Variants in KLF12 observed in about 807,000 individuals in gnomAD.
The protein encoded by KLF12 is KLF transcription factor 12, also known as Krueppel-like factor 12.
KLF12 carries 9 observed loss-of-function variants against 37.8 expected under a neutral mutation model. The ratio of observed to expected loss-of-function variants is 0.24; its 90% confidence interval spans 0.14 to 0.42. The LOEUF (loss-of-function observed/expected upper bound fraction) is 0.42, where lower values mean the gene tolerates loss of function less well. KLF12 is among the 10% of genes least tolerant of loss of function. The pLI, the probability that KLF12 is intolerant of heterozygous loss-of-function variation, is 1.00. For synonymous variants in KLF12, 208 were observed against 202.1 expected (o/e 1.03, Z -0.25); for missense variants, 411 against 516.0 (o/e 0.80, Z 1.97).
chr13:73,844,676 G>C lies in KLF12; in HGVS notation c.670+1151C>G, dbSNP rs769374878. 2.6e-5 allele frequency: 4 copies of C among 152,108 alleles called. No homozygotes were observed. The South Asian group carries it at 8.3e-4, about 32-fold the overall frequency. The allele number at this position is 152,108 out of a possible 1,614,324, so 9.4% of individuals were successfully genotyped here. Reference sequence around the variant, plus strand: ...TTCATACCTGCAAAAATTTCTGTAAGTTCACAATCAATCAAATGTATTTAT... The same window carrying C: ...TTCATACCTGCAAAAATTTCTGTAACTTCACAATCAATCAAATGTATTTAT... On this transcript the variant is annotated intron_variant, in intron 4 of 7. Coordinates refer to ENST00000377669, the MANE Select transcript of KLF12 (RefSeq NM_007249.5).
intron 1 of KLF12, among the ~76,000 whole-genome samples, chr13:74,074,926 A>C (rs1874479988): frequency 6.6e-6 from 1 of 152,234 alleles, no homozygotes; most frequent in South Asian, 2.1e-4. Context: ...ACTGAAGCAC[A>C]CAGCACAGCA....
At chr13:74,295,523 A>T in the KLF12 span, among the ~76,000 whole-genome samples, 1 of 152,046 alleles carries the variant, frequency 6.6e-6, no homozygotes, top group African/African-American at 2.4e-5. Context: ...TTCAAAATAT[A>T]CTTGCTGTAA....
intron 1 of KLF12, among the ~76,000 whole-genome samples, chr13:74,068,291 AT>A (rs1278769033): frequency 3.9e-5 from 6 of 152,206 alleles, no homozygotes; most frequent in South Asian, 4.1e-4. Flanking sequence ...TACTATAACA[AT>A]TTTTTAAAAC....
At chr13:73,826,960 T>C (rs1400194578) in intron 4 of KLF12, among the ~76,000 whole-genome samples, 1 of 152,174 alleles carries the variant, frequency 6.6e-6, no homozygotes, top group East Asian at 1.9e-4. Context: ...TTTTGTATTT[T>C]TTGTACAGAT....
At chr13:73,729,466 G>A (rs2325554) in intron 6 of KLF12, among the ~76,000 whole-genome samples, 117,768 of 152,104 alleles carry the variant, frequency 0.77, 45,753 homozygotes, top group Middle Eastern at 0.9. Context: ...GGCAGGGTAG[G>A]TACTGTTACT....
the KLF12 span, among the ~76,000 whole-genome samples, chr13:74,190,137 A>G: frequency 1.3e-5 from 2 of 152,206 alleles, no homozygotes; most frequent in Non-Finnish European, 2.9e-5. Flanking sequence ...AAGTATGTAC[A>G]TTAGTAATTT....
the KLF12 span, among the ~76,000 whole-genome samples, chr13:74,295,218 C>T: frequency 3.3e-5 from 5 of 151,774 alleles, no homozygotes; most frequent in Admixed American, 3.3e-4. Flanking sequence ...AGCTTAATTA[C>T]TCCTCCCTCT....
intron 1 of KLF12, among the ~76,000 whole-genome samples, chr13:73,996,438 T>C (rs1441434345): frequency 6.6e-6 from 1 of 152,236 alleles, no homozygotes; most frequent in African/African-American, 2.4e-5. Flanking sequence ...TCCAACTTCT[T>C]AGCCGAATGT....
the KLF12 span, among the ~76,000 whole-genome samples, chr13:74,241,899 G>A: frequency 3.0e-3 from 460 of 152,274 alleles, 3 homozygotes; most frequent in African/African-American, 0.011. Context: ...AGAAATCACC[G>A]TCTTCTGCGT....
intron 6 of KLF12, among the ~76,000 whole-genome samples, chr13:73,725,870 TA>T (rs1214108707): frequency 6.8e-6 from 1 of 146,410 alleles, no homozygotes; most frequent in African/African-American, 2.7e-5. Context: ...TTTATTTATT[TA>T]TTTATTTATT....
At chr13:74,233,897 G>A in the KLF12 span, among the ~76,000 whole-genome samples, 1 of 152,034 alleles carries the variant, frequency 6.6e-6, no homozygotes, top group Non-Finnish European at 1.5e-5. Flanking sequence ...ATTGGAATTT[G>A]AAATAAAAAA....
chr13:74,021,653 A>ATGACTTGATGTAAATGCTACAATCATT (rs1566507359), intron 1 of KLF12, among the ~76,000 whole-genome samples: 2 of 152,218 alleles, frequency 1.3e-5, no homozygotes, highest in African/African-American at 4.8e-5. Context: ...ACATCAAGGA[A>ATGACTTGATGTAAATGCTACAATCATT]GTCAGCAAAT....
the KLF12 span, among the ~76,000 whole-genome samples, chr13:74,143,512 A>G: frequency 6.6e-6 from 1 of 152,214 alleles, no homozygotes; most frequent in East Asian, 1.9e-4. Context: ...CATTTTTCAT[A>G]TAATAATTAA....
intron 3 of KLF12, among the ~76,000 whole-genome samples, chr13:73,934,848 A>C (rs943472031): frequency 3.9e-5 from 6 of 152,078 alleles, no homozygotes; most frequent in Admixed American, 3.3e-4. Flanking sequence ...TATGATAAGC[A>C]ACTTGCTATT....
chr13:74,276,160 G>A, the KLF12 span, among the ~76,000 whole-genome samples: 1 of 151,786 alleles, frequency 6.6e-6, no homozygotes, highest in Non-Finnish European at 1.5e-5. Context: ...CCCAGTGTGT[G>A]ATGTTCCCCT....
chr13:73,912,231 G>A (rs1341746916), intron 3 of KLF12, among the ~76,000 whole-genome samples: 1 of 152,114 alleles, frequency 6.6e-6, no homozygotes, highest in Non-Finnish European at 1.5e-5. Flanking sequence ...GCCCACAGGT[G>A]TGGGTTCCCA....
intron 1 of KLF12, among the ~76,000 whole-genome samples, chr13:74,076,311 C>T (rs1489194514): frequency 6.6e-6 from 1 of 152,088 alleles, no homozygotes; most frequent in Non-Finnish European, 1.5e-5. Context: ...AACAAAATAA[C>T]CTAGGTAATT....
chr13:74,020,095 T>C (rs1327788948), intron 1 of KLF12, among the ~76,000 whole-genome samples: 1 of 152,242 alleles, frequency 6.6e-6, no homozygotes, highest in African/African-American at 2.4e-5. Flanking sequence ...AAAAAGACTT[T>C]ACATGTCTCA....
chr13:74,183,772 C>CA, the KLF12 span, among the ~76,000 whole-genome samples: 19 of 151,966 alleles, frequency 1.3e-4, no homozygotes, highest in African/African-American at 4.1e-4. Flanking sequence ...CCCGTCTCTA[C>CA]AAAAAAATGC....
Sources: gnomAD v4.1 joint callset for allele counts (sites outside exome capture counted in the v4.1 genomes callset) on GRCh38, gnomAD v4.1.1 for gene constraint, MANE v1.5 for transcripts, NCBI Gene and HGNC (gene_info 2026-07-23, HGNC 2026-07-21) for gene names.